Variants in CDC42SE2 observed in about 807,000 individuals in gnomAD.
CDC42SE2 encodes CDC42 small effector 2.
Under a neutral mutation model 11.5 loss-of-function variants are expected in CDC42SE2, and 3 were observed. The ratio of observed to expected loss-of-function variants is 0.26; its 90% CI spans 0.12 to 0.67. CDC42SE2 has a LOEUF of 0.67. Among genes scored for constraint, CDC42SE2 ranks in the 30% least tolerant of loss-of-function variants. CDC42SE2 has a pLI of 0.80. For synonymous variants in CDC42SE2, 33 were observed against 34.8 expected (o/e 0.95, Z 0.18); for missense variants, 82 against 106.8 (o/e 0.77, Z 1.02).
At chr5:131,380,134 T>C (rs1338678493) in intron 3 of CDC42SE2, among the ~76,000 whole-genome samples, 2 of 152,042 alleles carry the variant, frequency 1.3e-5, no homozygotes, top group South Asian at 2.1e-4. Context: ...TCCATAGTTA[T>C]TGGGGCTACA....
intron 1 of CDC42SE2, among the ~76,000 whole-genome samples, chr5:131,301,334 A>C (rs1432422857): frequency 1.3e-5 from 2 of 152,170 alleles, no homozygotes; most frequent in African/African-American, 4.8e-5. Flanking sequence ...AGAATTATTG[A>C]ATGTTCCCAA....
intron 3 of CDC42SE2, among the ~76,000 whole-genome samples, chr5:131,369,964 T>C (rs907116727): frequency 1.3e-5 from 2 of 152,256 alleles, no homozygotes; most frequent in Admixed American, 1.3e-4. Flanking sequence ...ATTCTGTTTC[T>C]AGTAACTCTT....
At chr5:131,313,438 A>T (rs1006114416) in intron 1 of CDC42SE2, among the ~76,000 whole-genome samples, 1 of 152,130 alleles carries the variant, frequency 6.6e-6, no homozygotes, top group Non-Finnish European at 1.5e-5. Context: ...TAGTTTACTA[A>T]TCTTTGCCCA....
chr5:131,258,839 A>G (rs1756701152), intron 2 of CDC42SE2, among the ~76,000 whole-genome samples: 1 of 152,198 alleles, frequency 6.6e-6, no homozygotes, highest in Admixed American at 6.5e-5. Flanking sequence ...TCAAATGTTG[A>G]TGTGTGACAT....
chr5:131,329,186 A>T (rs1758359675), intron 2 of CDC42SE2, among the ~76,000 whole-genome samples: 1 of 152,212 alleles, frequency 6.6e-6, no homozygotes, highest in Non-Finnish European at 1.5e-5. Flanking sequence ...GGGGCAATCA[A>T]GGGGGAGGGA....
chr5:131,349,725 TAATGAA>T (rs977664169), intron 2 of CDC42SE2, among the ~76,000 whole-genome samples: 3 of 152,064 alleles, frequency 2.0e-5, no homozygotes, highest in African/African-American at 7.2e-5. Flanking sequence ...GGTATTAAAA[TAATGAA>T]TATGAAGACT....
chr5:131,267,640 T>C (rs973850420), intron 1 of CDC42SE2, among the ~76,000 whole-genome samples: 1 of 152,184 alleles, frequency 6.6e-6, no homozygotes, highest in African/African-American at 2.4e-5. Flanking sequence ...ACATGGCATA[T>C]TGCAGCTGTG....
intron 2 of CDC42SE2, among the ~76,000 whole-genome samples, chr5:131,331,629 G>A (rs1488792295): frequency 6.6e-6 from 1 of 151,910 alleles, no homozygotes; most frequent in African/African-American, 2.4e-5. Flanking sequence ...TTATAATCTA[G>A]GGAAATTTTC....
In CDC42SE2 at chr5:131,333,061, G is replaced by C. The variant is rs1378500923; in HGVS notation, c.-286+16917G>C. On this transcript the variant is annotated intron_variant, in intron 2 of 4. Coordinates refer to ENST00000505065, the MANE Select transcript of CDC42SE2 (RefSeq NM_001375635.1). ...CCTTGCCCGTGCCTATACCTGAATG[G>C]TATTGCCTAGGTTTTCTTCTAGGGT... Among the ~76,000 whole-genome samples, 8 of 152,154 alleles carry C rather than the reference G, an allele frequency of 5.3e-5. No homozygotes were observed. The East Asian group carries it at 1.5e-3, about 29-fold the overall frequency.
At chr5:131,256,405 T>A (rs1245647228) in intron 2 of CDC42SE2, among the ~76,000 whole-genome samples, 1 of 152,246 alleles carries the variant, frequency 6.6e-6, no homozygotes, top group African/African-American at 2.4e-5. Context: ...GTTGGGTCTG[T>A]GACAGTGGCT....
At chr5:131,385,507 A>T in intron 3 of CDC42SE2, 36 bp from the exon 4 acceptor site, 1 of 1,456,030 alleles carries the variant, frequency 6.9e-7, no homozygotes, top group African/African-American at 1.4e-5. Context: ...TGCTCATAAG[A>T]TCACTTTCTC....
At position 131,350,267 on chromosome 5, in the gene CDC42SE2, A is replaced by G. The variant is rs568371922; in HGVS notation, c.-285-8942A>G. 1.1e-3 allele frequency among the ~76,000 whole-genome samples: 165 copies of G among 152,098 alleles called. 1 individual carries two copies. Among genetic ancestry groups the G allele is most frequent in the Admixed American group, 3.9e-4 (6 of 15,282 alleles). On this transcript the variant is annotated intron_variant, in intron 2 of 4. Transcript: ENST00000505065. ...ATAGCCTTCCTACTCGCTCATGTAT[A>G]CAATTAAATTCCTTGGCAGTTTCTG... is the stretch of plus-strand genomic sequence containing the variant.
intron 2 of CDC42SE2, among the ~76,000 whole-genome samples, chr5:131,352,247 A>C (rs941776650): frequency 1.1e-4 from 16 of 152,242 alleles, no homozygotes; most frequent in Non-Finnish European, 7.3e-5. Context: ...CATACTTAGT[A>C]TATAACAGCT....
In CDC42SE2 at chr5:131,316,088, T is replaced by C. The variant is rs933101370; in HGVS notation, c.-342T>C. On this transcript the variant is annotated 5_prime_UTR_variant, in exon 2 of 5. Transcript: ENST00000505065. Reference sequence around the variant, plus strand: ...AATCTGCGGTCATCTGTATGCATAATATGGAATGTTCTTAACCCAGAAGTA... The same window carrying C: ...AATCTGCGGTCATCTGTATGCATAACATGGAATGTTCTTAACCCAGAAGTA... 42 of 152,472 alleles carry C rather than the reference T, an allele frequency of 2.8e-4. No individual in the cohort carries two copies. The highest frequency in any genetic ancestry group is 1.0e-3 in the African/African-American group (42 of 41,572). 9.4% of individuals were successfully genotyped at this position (152,472 alleles called of 1,614,324 possible). A position where few individuals can be genotyped will look rare whatever the true frequency, so the allele number is the denominator to read the frequency against.
chr5:131,337,552 G>T (rs1013376858), intron 2 of CDC42SE2, among the ~76,000 whole-genome samples: 9 of 152,234 alleles, frequency 5.9e-5, no homozygotes, highest in Non-Finnish European at 8.8e-5. Context: ...GTTTGTCTGT[G>T]CCCTGCCCCC....
Position 131,393,219 on chromosome 5 carries a change from T to A in CDC42SE2, c.*2128T>A, listed in dbSNP as rs1256393982. ...TGGAATAAAGGAACAGGGATCACTT[T>A]ATCTTCTGCCTTCATTTACCTTAGT... On this transcript the variant is annotated 3_prime_UTR_variant, in exon 5 of 5. Transcript: ENST00000505065. 6.6e-6 allele frequency: 1 copy of A among 152,372 alleles called. No homozygotes were observed. The highest frequency in any genetic ancestry group is 2.1e-4 in the South Asian group (1 of 4,830). The allele number at this position is 152,372 out of a possible 1,614,324, so 9.4% of individuals were successfully genotyped here.
intron 1 of CDC42SE2, among the ~76,000 whole-genome samples, chr5:131,275,151 G>A (rs1407372093): frequency 6.6e-6 from 1 of 152,034 alleles, no homozygotes; most frequent in Non-Finnish European, 1.5e-5. Flanking sequence ...TAAAGAAAAG[G>A]AAAACCTGAT....
chr5:131,244,001 T>C (rs929591041), upstream of CDC42SE2, among the ~76,000 whole-genome samples: 1 of 152,172 alleles, frequency 6.6e-6, no homozygotes, highest in Admixed American at 6.5e-5. Context: ...AGCAAAAGAA[T>C]GGAAAAACTT....
intron 1 of CDC42SE2, among the ~76,000 whole-genome samples, chr5:131,309,397 C>G (rs1342414565): frequency 1.3e-5 from 2 of 152,090 alleles, no homozygotes; most frequent in Non-Finnish European, 2.9e-5. Flanking sequence ...GGATATTGGT[C>G]TAAAATTCTC....
Sources: allele counts gnomAD v4.1 joint callset (sites outside exome capture counted in the v4.1 genomes callset), GRCh38; gene constraint gnomAD v4.1.1; transcripts MANE v1.5; gene names NCBI Gene and HGNC (gene_info 2026-07-23, HGNC 2026-07-21).